Variants in GALNT5 observed in about 807,000 individuals in gnomAD.
The protein encoded by GALNT5 is UDP-GalNAc:polypeptide N-acetylgalactosaminyltransferase 5.
A neutral mutation model predicts 85.4 loss-of-function variants in GALNT5; 72 were observed. That is an observed-to-expected ratio of 0.84 (90% CI 0.70 to 1.03). GALNT5 has a LOEUF of 1.03. GALNT5 is among the 50% of genes least tolerant of loss of function. The pLI, the probability that GALNT5 is intolerant of heterozygous loss-of-function variation, is 0.00. For synonymous variants in GALNT5, 404 were observed against 397.0 expected (o/e 1.02, Z -0.21); for missense variants, 1,137 against 1,135.5 (o/e 1.00, Z -0.02).
At chr2:157,282,742 C>A (rs1391346132) in intron 1 of GALNT5, among the ~76,000 whole-genome samples, 5 of 150,124 alleles carry the variant, frequency 3.3e-5, no homozygotes, top group South Asian at 2.1e-4. Context: ...ACAAAAAAAA[C>A]CAGCAGTAAA....
chr2:157,287,392 T>G (rs897408427), intron 3 of GALNT5, among the ~76,000 whole-genome samples: 2 of 151,664 alleles, frequency 1.3e-5, no homozygotes, highest in African/African-American at 4.8e-5. Context: ...CTCTCCTGCT[T>G]TCTAACTCTT....
intron 6 of GALNT5, 55 bp from the exon 7 acceptor site, chr2:157,300,621 C>CGATGATTTGTGGATAATCATTT (rs1683320588): frequency 7.3e-7 from 1 of 1,368,480 alleles, no homozygotes; most frequent in South Asian, 1.2e-5. Context: ...TGTTAAGTGC[C>CGATGATTTGTGGATAATCATTT]GATGATTTGT....
intron 1 of GALNT5, among the ~76,000 whole-genome samples, chr2:157,276,735 C>T (rs919105934): frequency 3.3e-5 from 5 of 151,996 alleles, no homozygotes; most frequent in African/African-American, 4.8e-5. Context: ...GTCTTGTTAG[C>T]GGTCTATCAA....
chr2:157,295,921 A>T, intron 4 of GALNT5, 123 bp downstream of exon 4: 2 of 683,408 alleles, frequency 2.9e-6, no homozygotes, highest in Non-Finnish European at 4.9e-6. Context: ...CAGTTTATCT[A>T]CTTAAATAAA....
chr2:157,288,043 T>A (rs527422932), intron 3 of GALNT5, among the ~76,000 whole-genome samples: 6 of 152,280 alleles, frequency 3.9e-5, no homozygotes, highest in Non-Finnish European at 7.4e-5. Flanking sequence ...CCAGAGTCCG[T>A]CCTCTTATCA....
intron 1 of GALNT5, among the ~76,000 whole-genome samples, chr2:157,267,730 T>A (rs977162280): frequency 2.0e-5 from 3 of 152,198 alleles, no homozygotes; most frequent in Non-Finnish European, 4.4e-5. Context: ...GTCCTGTCAC[T>A]TTGATGACTT....
intron 7 of GALNT5, 81 bp from the exon 8 acceptor site, chr2:157,305,668 T>C: frequency 7.6e-6 from 6 of 788,588 alleles, no homozygotes; most frequent in Non-Finnish European, 1.3e-5. Context: ...AGTTTTATAT[T>C]CTGTATTTTC....
intron 5 of GALNT5, chr2:157,299,064 G>C (rs12694908): frequency 1.3e-5 from 2 of 157,214 alleles, no homozygotes; most frequent in African/African-American, 4.8e-5. Context: ...GCGGTGAGGG[G>C]GGAAGGAGAC....
At chr2:157,301,869 G>C (rs1683350450) in intron 7 of GALNT5, among the ~76,000 whole-genome samples, 1 of 152,138 alleles carries the variant, frequency 6.6e-6, no homozygotes, top group South Asian at 2.1e-4. Flanking sequence ...GGTATCCAAA[G>C]GGAAGAAGCT....
In GALNT5 at chr2:157,262,567, G is replaced by A. The variant is rs139097569; in HGVS notation, c.1454+3031G>A. 1.3e-4 allele frequency among the ~76,000 whole-genome samples: 19 copies of A among 151,786 alleles called. No homozygotes were observed. In the East Asian group the frequency reaches 2.9e-3, roughly 23 times the overall value. On this transcript the variant is annotated intron_variant, in intron 1 of 9. Coordinates refer to ENST00000259056, the MANE Select transcript of GALNT5 (RefSeq NM_014568.3). ...GTGGGAGGATCACTTGAGCCTGAGC[G>A]GTCGAGGTTGCAGTGAACCAAGATT...
At chr2:157,265,616 C>T (rs539156240) in intron 1 of GALNT5, among the ~76,000 whole-genome samples, 6 of 152,294 alleles carry the variant, frequency 3.9e-5, no homozygotes, top group African/African-American at 1.2e-4. Flanking sequence ...TAACCATCAG[C>T]ATAATATATC....
rs902759488 is a variant in GALNT5, at chr2:157,309,505, C to T, written c.2682+777C>T. ...CCTTGGTGTAGGAGCTTGGGATTGGCGAGAATAGTCTCAGAATTGCCTTCT... is the reference window on the plus strand; with the variant it reads ...CCTTGGTGTAGGAGCTTGGGATTGGTGAGAATAGTCTCAGAATTGCCTTCT... On this transcript the variant is annotated intron_variant, in intron 9 of 9. Transcript: ENST00000259056. Among the ~76,000 whole-genome samples, 28 of 152,086 alleles carry T rather than the reference C, an allele frequency of 1.8e-4. 1 individual carries two copies. Among genetic ancestry groups the T allele is most frequent in the Admixed American group, 1.1e-3 (17 of 15,262 alleles).
intron 1 of GALNT5, among the ~76,000 whole-genome samples, chr2:157,269,831 T>C (rs1682542163): frequency 6.6e-6 from 1 of 152,170 alleles, no homozygotes; most frequent in South Asian, 2.1e-4. Context: ...ATACAATTCC[T>C]TTTGTCACTG....
At chr2:157,297,233 C>T (rs76424519) in intron 5 of GALNT5, among the ~76,000 whole-genome samples, 1 of 152,130 alleles carries the variant, frequency 6.6e-6, no homozygotes, top group Non-Finnish European at 1.5e-5. Flanking sequence ...TGCACCGAAG[C>T]GTGTTTTCCC....
At chr2:157,301,423 T>C (rs776446127) in intron 7 of GALNT5, 32 of 208,616 alleles carry the variant, frequency 1.5e-4, no homozygotes, top group Non-Finnish European at 2.7e-4. Context: ...TGAGAAATCC[T>C]CTCTGAGAAG....
At position 157,305,854 on chromosome 2, in the gene GALNT5, A is replaced by G. The variant is rs374057838; in HGVS notation, c.2520+25A>G. ...GGTATGCTAAACTGTTTTCTATCTC[A>G]TGGTAGCTGATAGGTGCAGGGTATG... On this transcript the variant is annotated intron_variant, in intron 8 of 9. Coordinates refer to ENST00000259056, the MANE Select transcript of GALNT5 (RefSeq NM_014568.3). 1.2e-5 allele frequency: 15 copies of G among 1,275,998 alleles called. No homozygotes were observed. The African/African-American group carries it at 2.0e-4, about 17-fold the overall frequency. The allele number at this position is 1,275,998 out of a possible 1,614,324, so 79.0% of individuals were successfully genotyped here. A position where few individuals can be genotyped will look rare whatever the true frequency, so the allele number is the denominator to read the frequency against.
intron 3 of GALNT5, among the ~76,000 whole-genome samples, chr2:157,289,513 T>G (rs563561835): frequency 1.3e-5 from 2 of 152,308 alleles, no homozygotes; most frequent in Admixed American, 1.3e-4. Context: ...TATTTATGTT[T>G]TAGATCCTAG....
chr2:157,258,056 G>C lies in GALNT5; in HGVS notation c.-27G>C. On this transcript the variant is annotated 5_prime_UTR_variant, in exon 1 of 10. Transcript: ENST00000259056. The stretch of plus-strand genomic sequence containing the variant: ...CTCAAGGTAAGCAGGCTAAGGGAGG[G>C]CAGGCTGCTAGGGAAAGCTTTGTAC... 2 of 1,608,962 alleles carry C rather than the reference G, an allele frequency of 1.2e-6. No individual in the cohort carries two copies. The highest frequency in any genetic ancestry group is 1.7e-4 in the Middle Eastern group (1 of 5,830).
chr2:157,274,618 A>G (rs934741141), intron 1 of GALNT5, among the ~76,000 whole-genome samples: 1 of 152,166 alleles, frequency 6.6e-6, no homozygotes, highest in African/African-American at 2.4e-5. Flanking sequence ...TTGGCTGCAT[A>G]AATGTCTTCT....
Sources: gnomAD v4.1 joint callset for allele counts (sites outside exome capture counted in the v4.1 genomes callset) on GRCh38, gnomAD v4.1.1 for gene constraint, MANE v1.5 for transcripts, NCBI Gene and HGNC (gene_info 2026-07-23, HGNC 2026-07-21) for gene names.